Variants in EPB41L4B observed in about 807,000 individuals in gnomAD.
EPB41L4B encodes erythrocyte membrane protein band 4.1 like 4B.
Under a neutral mutation model 112.5 loss-of-function variants are expected in EPB41L4B, and 30 were observed. The ratio of observed to expected loss-of-function variants is 0.27; its 90% CI spans 0.20 to 0.36. EPB41L4B has a LOEUF of 0.36. EPB41L4B is among the 10% of genes least tolerant of loss of function. EPB41L4B has a pLI of 1.00. For missense variants in EPB41L4B, 1,024 were observed against 1,133.3 expected (o/e 0.90, Z 1.38); for synonymous variants, 408 against 439.7 (o/e 0.93, Z 0.90).
At chr9:109,247,173 GT>G (rs555846521) in intron 14 of EPB41L4B, among the ~76,000 whole-genome samples, 4,585 of 129,142 alleles carry the variant, frequency 0.036, 197 homozygotes, top group African/African-American at 0.1. Flanking sequence ...CTCAAGACTA[GT>G]TTTTTTTTTT....
intron 12 of EPB41L4B, among the ~76,000 whole-genome samples, chr9:109,252,947 G>A (rs1834849414): frequency 6.6e-6 from 1 of 152,104 alleles, no homozygotes; most frequent in Non-Finnish European, 1.5e-5. Flanking sequence ...AAGGGGGCAG[G>A]CATTCTAGGG....
intron 15 of EPB41L4B, among the ~76,000 whole-genome samples, chr9:109,237,386 G>A (rs1268217400): frequency 6.6e-6 from 1 of 152,168 alleles, no homozygotes; most frequent in Non-Finnish European, 1.5e-5. Context: ...ACAGAAACAT[G>A]AATAGATGAT....
intron 6 of EPB41L4B, among the ~76,000 whole-genome samples, chr9:109,258,661 T>C (rs1049073724): frequency 6.6e-6 from 1 of 152,220 alleles, no homozygotes; most frequent in African/African-American, 2.4e-5. Flanking sequence ...GAAACATCCA[T>C]TTAACAAGCC....
chr9:109,309,598 T>C (rs1837338436), intron 1 of EPB41L4B, among the ~76,000 whole-genome samples: 1 of 151,990 alleles, frequency 6.6e-6, no homozygotes, highest in Non-Finnish European at 1.5e-5. Flanking sequence ...GCTAACAACA[T>C]ATGAAAGACA....
intron 14 of EPB41L4B, among the ~76,000 whole-genome samples, chr9:109,246,218 A>G (rs1055901838): frequency 6.6e-6 from 1 of 152,190 alleles, no homozygotes; most frequent in African/African-American, 2.4e-5. Flanking sequence ...CGTGGCCAAC[A>G]TGGTGAAACT....
Position 109,253,600 on chromosome 9 carries a change from C to T in EPB41L4B, c.1170-50G>A, listed in dbSNP as rs114524663. ...TGTTATCAATATCAGAATCTCAGTA[C>T]ATTACCTGTTTTTGAAAGTGCACTT... On this transcript the variant is annotated intron_variant, in intron 11 of 25. Coordinates refer to ENST00000374566, the MANE Select transcript of EPB41L4B (RefSeq NM_019114.5). 677 of 1,205,854 alleles carry T rather than the reference C, an allele frequency of 5.6e-4. 4 individuals are homozygous for T. In the African/African-American group the frequency reaches 9.5e-3, roughly 17 times the overall value. 74.7% of individuals were successfully genotyped at this position (1,205,854 alleles called of 1,614,324 possible). A position where few individuals can be genotyped will look rare whatever the true frequency, so the allele number is the denominator to read the frequency against.
At chr9:109,254,036 A>G (rs934898539) in intron 11 of EPB41L4B, among the ~76,000 whole-genome samples, 9 of 152,152 alleles carry the variant, frequency 5.9e-5, no homozygotes, top group Non-Finnish European at 1.0e-4. Flanking sequence ...AGATTCCAGG[A>G]GGTTGCTGGT....
intron 15 of EPB41L4B, chr9:109,240,362 C>T (rs970634661): frequency 2.0e-6 from 2 of 985,198 alleles, no homozygotes; most frequent in Non-Finnish European, 1.2e-6. Flanking sequence ...GCAGCTGATA[C>T]CTTCTTGCTG....
chr9:109,209,645 T>A (rs34867066), intron 17 of EPB41L4B, among the ~76,000 whole-genome samples: 8,317 of 123,468 alleles, frequency 0.067, 359 homozygotes, highest in Admixed American at 0.17. Context: ...AAACCCTGTC[T>A]CAAAAAAAAA....
intron 1 of EPB41L4B, among the ~76,000 whole-genome samples, chr9:109,312,970 G>A (rs536995415): frequency 3.3e-5 from 5 of 152,236 alleles, no homozygotes; most frequent in African/African-American, 9.6e-5. Context: ...CCCGGGTGTG[G>A]TGGCTCACAC....
chr9:109,241,746 A>G, intron 15 of EPB41L4B: 1 of 1,614,210 alleles, frequency 6.2e-7, no homozygotes, highest in Non-Finnish European at 8.5e-7. Flanking sequence ...GGACATAATC[A>G]AAATGGCTGT....
chr9:109,194,515 ACAGATGTCCAC>A (rs1221112061), intron 20 of EPB41L4B, 118 bp from the exon 21 acceptor site: 6 of 1,059,016 alleles, frequency 5.7e-6, no homozygotes, highest in Non-Finnish European at 8.1e-6. Flanking sequence ...GGGTTCCCAA[ACAGATGTCCAC>A]CAGATGTCCA....
intron 13 of EPB41L4B, among the ~76,000 whole-genome samples, chr9:109,250,870 G>A (rs970641962): frequency 3.3e-5 from 5 of 152,160 alleles, no homozygotes; most frequent in African/African-American, 9.7e-5. Flanking sequence ...AGTCACGTTC[G>A]CTCATTTACA....
intron 15 of EPB41L4B, among the ~76,000 whole-genome samples, chr9:109,235,675 GGTATGATTCAC>G (rs1000400548): frequency 1.3e-5 from 2 of 152,142 alleles, no homozygotes; most frequent in African/African-American, 4.8e-5. Flanking sequence ...TGGGATTACA[GGTATGATTCAC>G]CACGCCCGGC....
chr9:109,312,850 T>C (rs1247582728), intron 1 of EPB41L4B, among the ~76,000 whole-genome samples: 3 of 152,092 alleles, frequency 2.0e-5, no homozygotes, highest in African/African-American at 7.2e-5. Context: ...CTGACCCCCA[T>C]CTTCCACGCG....
At chr9:109,251,890 G>A (rs1371376118) in intron 12 of EPB41L4B, among the ~76,000 whole-genome samples, 1 of 152,258 alleles carries the variant, frequency 6.6e-6, no homozygotes, top group Non-Finnish European at 1.5e-5. Flanking sequence ...GGACTGAGGG[G>A]CCTCGGGGAC....
chr9:109,273,493 T>G (rs1835702101), intron 2 of EPB41L4B, among the ~76,000 whole-genome samples: 2 of 152,170 alleles, frequency 1.3e-5, no homozygotes, highest in Admixed American at 1.3e-4. Flanking sequence ...GTGATCCACC[T>G]GCCTTGGCCT....
intron 24 of EPB41L4B, among the ~76,000 whole-genome samples, chr9:109,180,374 G>A (rs145743492): frequency 6.6e-6 from 1 of 152,350 alleles, no homozygotes; most frequent in Non-Finnish European, 1.5e-5. Context: ...GCCCCACTAT[G>A]GCCAACCAAG....
At chr9:109,251,574 G>T in intron 12 of EPB41L4B, 63 bp from the exon 13 acceptor site, 1 of 1,443,818 alleles carries the variant, frequency 6.9e-7, no homozygotes, top group Non-Finnish European at 9.8e-7. Context: ...ACCATGCAAT[G>T]ACAGATAATG....
Sources: gnomAD v4.1 joint callset for allele counts (sites outside exome capture counted in the v4.1 genomes callset) on GRCh38, gnomAD v4.1.1 for gene constraint, MANE v1.5 for transcripts, NCBI Gene and HGNC (gene_info 2026-07-23, HGNC 2026-07-21) for gene names.